Variants in ASB3 observed in about 807,000 individuals in gnomAD.
The protein encoded by ASB3 is ankyrin repeat and SOCS box protein 3.
ASB3 carries 41 observed loss-of-function variants against 54.5 expected under a neutral mutation model. The observed-to-expected ratio is 0.75, with a 90% CI of 0.59 to 0.98. The LOEUF (loss-of-function observed/expected upper bound fraction) is 0.98. Ranked by LOEUF, ASB3 falls within the 50% of genes least tolerant of loss-of-function variation. The pLI is 0.00. For missense variants in ASB3, 733 were observed against 620.0 expected (o/e 1.18, Z -1.94); for synonymous variants, 266 against 221.2 (o/e 1.20, Z -1.80).
chr2:53,728,789 TC>T lies in ASB3; in HGVS notation c.526del (p.Asp176MetfsTer17), dbSNP rs1188817467. 2 of 1,612,688 alleles carry T rather than the reference TC, an allele frequency of 1.2e-6. No individual in the cohort carries two copies. The highest frequency in any genetic ancestry group is 2.7e-5 in the African/African-American group (2 of 74,918). On this transcript the variant is annotated frameshift_variant, in exon 5 of 10. Transcript: ENST00000263634. LOFTEE classifies it high-confidence loss of function. ...AAATAAAGGTGTGATTCCAAAGTCA[TC>T]CTGGCATTCCTTGTTTGCTCCTTTT... is the stretch of plus-strand genomic sequence containing the variant. The part of the protein sequence containing the change: ...LRKGANKECQ[D>X]DFGITPLFVA...
chr2:53,728,434 G>T (rs1671127768), intron 5 of ASB3, among the ~76,000 whole-genome samples: 1 of 152,134 alleles, frequency 6.6e-6, no homozygotes, highest in South Asian at 2.1e-4. Flanking sequence ...GTCCCTACAG[G>T]AAAGGACAGC....
chr2:53,734,495 T>A (rs1346756161), intron 3 of ASB3, among the ~76,000 whole-genome samples: 1 of 152,198 alleles, frequency 6.6e-6, no homozygotes, highest in African/African-American at 2.4e-5. Flanking sequence ...TCAACAAATG[T>A]CTACTTAGTG....
chr2:53,768,118 G>A (rs2104116309), intron 1 of ASB3: 3 of 1,377,474 alleles, frequency 2.2e-6, no homozygotes, highest in African/African-American at 1.4e-5. Context: ...ACACCTTAGC[G>A]CTTCATGGGG....
intron 3 of ASB3, among the ~76,000 whole-genome samples, chr2:53,745,798 G>A (rs2103985043): frequency 6.6e-6 from 1 of 152,262 alleles, no homozygotes; most frequent in East Asian, 1.9e-4. Flanking sequence ...TTTCAGTTTT[G>A]GAAGCTAACT....
chr2:53,722,717 A>G (rs888334922), intron 5 of ASB3, among the ~76,000 whole-genome samples: 2 of 152,174 alleles, frequency 1.3e-5, no homozygotes, highest in African/African-American at 2.4e-5. Context: ...TCTATGACCA[A>G]CCCACAGCCA....
intron 9 of ASB3, among the ~76,000 whole-genome samples, chr2:53,679,777 A>G (rs1558512110): frequency 1.3e-5 from 2 of 152,110 alleles, no homozygotes. Context: ...TCAGGGGTAC[A>G]TGTGTAAGTT....
At chr2:53,738,833 G>C (rs181502187) in intron 3 of ASB3, among the ~76,000 whole-genome samples, 90 of 152,256 alleles carry the variant, frequency 5.9e-4, no homozygotes, top group African/African-American at 1.5e-3. Context: ...AGGGACCAGA[G>C]ACCAAGGAAA....
chr2:53,756,001 A>G (rs1167503021), intron 2 of ASB3, among the ~76,000 whole-genome samples: 1 of 146,976 alleles, frequency 6.8e-6, no homozygotes, highest in Non-Finnish European at 1.5e-5. Context: ...TCTACAAAAT[A>G]TAGAAAATAA....
intron 5 of ASB3, among the ~76,000 whole-genome samples, chr2:53,717,108 T>C (rs1383704473): frequency 6.6e-6 from 1 of 152,186 alleles, no homozygotes; most frequent in Non-Finnish European, 1.5e-5. Context: ...GATTCATATC[T>C]TAGAATTCAT....
chr2:53,708,493 C>T (rs1669913455), intron 7 of ASB3, among the ~76,000 whole-genome samples: 1 of 152,150 alleles, frequency 6.6e-6, no homozygotes, highest in South Asian at 2.1e-4. Flanking sequence ...AAGAGTGGGG[C>T]ATTGCTATAA....
intron 8 of ASB3, 131 bp from the exon 9 acceptor site, chr2:53,694,145 A>G (rs2103733305): frequency 9.7e-7 from 1 of 1,032,640 alleles, no homozygotes; most frequent in Non-Finnish European, 1.4e-6. Context: ...GGGCATGTTA[A>G]GTATTTATGT....
intron 2 of ASB3, among the ~76,000 whole-genome samples, chr2:53,764,217 G>A (rs189860427): frequency 2.0e-5 from 3 of 152,146 alleles, no homozygotes; most frequent in East Asian, 1.9e-4. Flanking sequence ...GAATTTCCAC[G>A]ATCAATGAAA....
chr2:53,712,229 AT>A (rs1224461527), intron 7 of ASB3, among the ~76,000 whole-genome samples: 2 of 151,492 alleles, frequency 1.3e-5, no homozygotes, highest in African/African-American at 4.9e-5. Flanking sequence ...AAAAAAAAAA[AT>A]ACATTAAAAA....
At chr2:53,704,615 G>C (rs575760514) in intron 7 of ASB3, among the ~76,000 whole-genome samples, 7 of 151,788 alleles carry the variant, frequency 4.6e-5, no homozygotes, top group Non-Finnish European at 7.4e-5. Context: ...AAACCTACTG[G>C]GAAAATGATC....
At chr2:53,751,819 T>C (rs954384103) in intron 2 of ASB3, among the ~76,000 whole-genome samples, 1 of 152,214 alleles carries the variant, frequency 6.6e-6, no homozygotes, top group Non-Finnish European at 1.5e-5. Flanking sequence ...TAACAGCTTC[T>C]AAGTACATAT....
intron 3 of ASB3, among the ~76,000 whole-genome samples, chr2:53,730,284 A>G (rs1357977867): frequency 6.6e-6 from 1 of 152,204 alleles, no homozygotes; most frequent in African/African-American, 2.4e-5. Flanking sequence ...ACACACACAC[A>G]CCATTAGCAA....
At chr2:53,716,511 T>A in intron 6 of ASB3, 55 bp downstream of exon 6, 1 of 1,575,666 alleles carries the variant, frequency 6.3e-7, no homozygotes, top group Admixed American at 1.8e-5. Flanking sequence ...CCAGATTTAT[T>A]CTTTATTAGC....
chr2:53,673,157 T>C (rs1201352602), intron 9 of ASB3, among the ~76,000 whole-genome samples: 2 of 152,222 alleles, frequency 1.3e-5, no homozygotes, highest in Non-Finnish European at 2.9e-5. Context: ...GACTGTTTAA[T>C]CCAGTGTGTG....
chr2:53,748,466 C>G (rs1190161089), intron 3 of ASB3: 2 of 152,156 alleles, frequency 1.3e-5, no homozygotes, highest in Admixed American at 6.5e-5. Flanking sequence ...GAAACCCAAG[C>G]TACATTAAAC....
Sources: gnomAD v4.1 joint callset for allele counts (sites outside exome capture counted in the v4.1 genomes callset) on GRCh38, gnomAD v4.1.1 for gene constraint, MANE v1.5 for transcripts, NCBI Gene and HGNC (gene_info 2026-07-23, HGNC 2026-07-21) for gene names.